XRCC5: variants seen among roughly 807,000 people sequenced by gnomAD.
The protein encoded by XRCC5 is DNA repair protein Ku80.
XRCC5 carries 12 observed loss-of-function variants against 95.7 expected under a neutral mutation model. The ratio of observed to expected loss-of-function variants is 0.13; its 90% confidence interval spans 0.08 to 0.20. The LOEUF is 0.20. Among genes scored for constraint, XRCC5 ranks in the 10% least tolerant of loss-of-function variants. The pLI, the probability that XRCC5 is intolerant of heterozygous loss-of-function variation, is 1.00. For synonymous variants in XRCC5, 281 were observed against 290.3 expected (o/e 0.97, Z 0.33); for missense variants, 595 against 873.9 (o/e 0.68, Z 4.02).
At chr2:216,175,439 G>T in intron 16 of XRCC5, 1 of 518,060 alleles carries the variant, frequency 1.9e-6, no homozygotes, top group African/African-American at 1.9e-5. Context: ...GTTTAGAAAG[G>T]GCCTTTTTCA....
At chr2:216,201,570 A>T (rs544381297) in intron 19 of XRCC5, among the ~76,000 whole-genome samples, 1 of 152,212 alleles carries the variant, frequency 6.6e-6, no homozygotes, top group African/African-American at 2.4e-5. Flanking sequence ...AGGCACTTTT[A>T]TGGTAACCCC....
intron 2 of XRCC5, among the ~76,000 whole-genome samples, chr2:216,114,894 C>T (rs1444950387): frequency 1.3e-5 from 2 of 152,140 alleles, no homozygotes; most frequent in African/African-American, 4.8e-5. Context: ...ACGCATGCGG[C>T]CCCCTCTTAA....
intron 16 of XRCC5, among the ~76,000 whole-genome samples, chr2:216,176,262 G>C (rs1489946011): frequency 6.6e-6 from 1 of 152,124 alleles, no homozygotes; most frequent in Non-Finnish European, 1.5e-5. Flanking sequence ...GGGATGACAG[G>C]CGCCCGCCAC....
At chr2:216,204,987 A>G (rs745843084) in intron 20 of XRCC5, among the ~76,000 whole-genome samples, 14 of 152,346 alleles carry the variant, frequency 9.2e-5, no homozygotes, top group Middle Eastern at 3.4e-3. Context: ...TATGATGTCA[A>G]TCTTTTTTAG....
At chr2:216,165,668 C>A (rs989911355) in intron 16 of XRCC5, among the ~76,000 whole-genome samples, 2 of 152,174 alleles carry the variant, frequency 1.3e-5, no homozygotes, top group African/African-American at 4.8e-5. Context: ...GATTTCTGTC[C>A]AGAGTCGGGA....
intron 14 of XRCC5, among the ~76,000 whole-genome samples, chr2:216,157,008 C>T (rs575296016): frequency 2.8e-4 from 43 of 152,146 alleles, no homozygotes; most frequent in Non-Finnish European, 4.1e-4. Flanking sequence ...CCCAGGCGAC[C>T]GTCCCCACAG....
chr2:216,201,579 C>T (rs1240299864), intron 19 of XRCC5, among the ~76,000 whole-genome samples: 1 of 152,072 alleles, frequency 6.6e-6, no homozygotes, highest in Non-Finnish European at 1.5e-5. Flanking sequence ...TATGGTAACC[C>T]CAGGTAAGTG....
chr2:216,171,823 A>G (rs1689171242), intron 16 of XRCC5, among the ~76,000 whole-genome samples: 1 of 152,250 alleles, frequency 6.6e-6, no homozygotes, highest in Admixed American at 6.5e-5. Context: ...AAATCTCTAC[A>G]AGTCTCTTAG....
intron 16 of XRCC5, among the ~76,000 whole-genome samples, chr2:216,162,816 A>G (rs554926777): frequency 1.8e-4 from 27 of 152,206 alleles, no homozygotes; most frequent in Non-Finnish European, 3.5e-4. Flanking sequence ...AAATGGCTGC[A>G]TGGTCACTTT....
At chr2:216,183,136 C>G (rs563945808) in intron 16 of XRCC5, among the ~76,000 whole-genome samples, 3 of 152,324 alleles carry the variant, frequency 2.0e-5, no homozygotes, top group African/African-American at 2.4e-5. Flanking sequence ...ATTTGTTACA[C>G]AGAGTGAACT....
rs1014346542 is a variant in XRCC5 at position 216,205,969 on chromosome 2, A to G, written c.*767A>G. 1.3e-5 allele frequency: 2 copies of G among 152,216 alleles called. No individual in the cohort carries two copies. Among genetic ancestry groups the G allele is most frequent in the Non-Finnish European group, 2.9e-5 (2 of 68,034 alleles). The allele number at this position is 152,216 out of a possible 1,614,324, so 9.4% of individuals were successfully genotyped here. On this transcript the variant is annotated 3_prime_UTR_variant, in exon 21 of 21. Coordinates refer to ENST00000392132, the MANE Select transcript of XRCC5 (RefSeq NM_021141.4). ...TTACTACAGTAGTTAGAATTATATC[A>G]CTTCACTGTTCTCTACTTGCAAGCC...
At position 216,141,259 on chromosome 2, in the gene XRCC5, C is replaced by G; in HGVS notation, c.1416C>G (p.Thr472=). ...CAAAGAAAGATGAGAAGACAGACAC[C>G]CTTGAAGACTTGTTTCCAACCACCA... ...SLAKKDEKTD[T]LEDLFPTTKI... The change falls in exon 13 of 21, where the codon ACC becomes ACG. Residue 472 remains threonine (T), a synonymous_variant. Coordinates refer to ENST00000392132, the MANE Select transcript of XRCC5 (RefSeq NM_021141.4). 1 of 1,614,062 alleles carries G rather than the reference C, an allele frequency of 6.2e-7. No homozygotes were observed. The highest frequency in any genetic ancestry group is 1.7e-5 in the Admixed American group (1 of 60,014).
At chr2:216,135,505 A>G (rs1252947171) in intron 10 of XRCC5, among the ~76,000 whole-genome samples, 1 of 152,130 alleles carries the variant, frequency 6.6e-6, no homozygotes. Flanking sequence ...TAGAGGTAGA[A>G]TTGGTAGTTT....
chr2:216,141,324 GAGA>G lies in XRCC5; in HGVS notation c.1476+11_1476+13del. On this transcript the variant is annotated splice_donor_region_variant and intron_variant, in intron 13 of 20. Coordinates refer to ENST00000392132, the MANE Select transcript of XRCC5 (RefSeq NM_021141.4). Reference sequence around the variant, plus strand: ...CGATTTCAGAGATTATTTCAGGTAAGAGAAGAAGGATGAACAAGTCATATTTCT... The same window carrying G: ...CGATTTCAGAGATTATTTCAGGTAAGAGAAGGATGAACAAGTCATATTTCT... 1.2e-6 allele frequency: 2 copies of G among 1,613,918 alleles called. No homozygotes were observed. Among genetic ancestry groups the G allele is most frequent in the Non-Finnish European group, 1.7e-6 (2 of 1,179,914 alleles).
intron 16 of XRCC5, among the ~76,000 whole-genome samples, chr2:216,178,103 G>A (rs547792528): frequency 9.9e-5 from 15 of 152,260 alleles, no homozygotes; most frequent in African/African-American, 2.9e-4. Context: ...AGAAAGAAAA[G>A]GATCAATGAA....
rs56113749 is a variant in XRCC5, at chr2:216,121,811, T to TC, written c.492-249dup. On this transcript the variant is annotated intron_variant, in intron 5 of 20. Transcript: ENST00000392132. ...ACAGTTGAGACCCTGGGTCTGGACT[T>TC]CCTAAGGCCTTGTGCCACCCTGCCC... 2.0e-3 allele frequency among the ~76,000 whole-genome samples: 301 copies of TC among 152,286 alleles called. 2 individuals carry two copies. Among genetic ancestry groups the TC allele is most frequent in the African/African-American group, 6.9e-3 (285 of 41,560 alleles).
At chr2:216,204,097 C>T (rs545157551) in intron 19 of XRCC5, 3 of 540,936 alleles carry the variant, frequency 5.5e-6, no homozygotes, top group Admixed American at 3.1e-5. Context: ...TGAGCACTTT[C>T]TCTGGTGATG....
At chr2:216,143,959 C>T (rs1559246154) in intron 13 of XRCC5, among the ~76,000 whole-genome samples, 1 of 152,080 alleles carries the variant, frequency 6.6e-6, no homozygotes, top group Non-Finnish European at 1.5e-5. Flanking sequence ...TGTGATCCGC[C>T]CGCCTCGGCC....
intron 13 of XRCC5, among the ~76,000 whole-genome samples, chr2:216,141,771 G>C (rs1194155921): frequency 2.6e-5 from 4 of 151,954 alleles, no homozygotes; most frequent in East Asian, 1.9e-4. Flanking sequence ...GACAAGTCTT[G>C]GCCACGTGCG....
Sources: gnomAD v4.1 joint callset for allele counts (sites outside exome capture counted in the v4.1 genomes callset) on GRCh38, gnomAD v4.1.1 for gene constraint, MANE v1.5 for transcripts, NCBI Gene and HGNC (gene_info 2026-07-23, HGNC 2026-07-21) for gene names.